Variants in DPP10 observed in about 807,000 individuals in gnomAD.
The protein encoded by DPP10 is dipeptidyl peptidase like 10, also known as inactive dipeptidyl peptidase 10.
In DPP10, 33 loss-of-function variants were observed where a neutral mutation model predicts 120.9. The observed-to-expected ratio is 0.27, with a 90% CI of 0.21 to 0.37. DPP10 has a LOEUF of 0.37. DPP10 is among the 10% of genes least tolerant of loss of function. DPP10 has a pLI of 1.00. For missense variants in DPP10, 816 were observed against 942.8 expected (o/e 0.87, Z 1.76); for synonymous variants, 337 against 326.1 (o/e 1.03, Z -0.36).
intron 1 of DPP10, among the ~76,000 whole-genome samples, chr2:115,164,215 A>G (rs1181388277): frequency 6.6e-6 from 1 of 152,160 alleles, no homozygotes; most frequent in African/African-American, 2.4e-5. Context: ...CTCCCAGGAA[A>G]TACTCATATC....
chr2:115,317,010 C>G (rs952607064), intron 2 of DPP10, among the ~76,000 whole-genome samples: 7 of 152,124 alleles, frequency 4.6e-5, no homozygotes, highest in African/African-American at 1.7e-4. Flanking sequence ...AGGAGGATTG[C>G]TTGAGACGGA....
intron 1 of DPP10, among the ~76,000 whole-genome samples, chr2:114,963,395 C>G (rs1458125657): frequency 1.3e-5 from 2 of 151,948 alleles, no homozygotes; most frequent in Middle Eastern, 3.2e-3. Context: ...GGAAAAAAAG[C>G]GTAATTTGCT....
chr2:114,855,070 T>C (rs1324653027), intron 1 of DPP10, among the ~76,000 whole-genome samples: 1 of 152,112 alleles, frequency 6.6e-6, no homozygotes, highest in Admixed American at 6.6e-5. Flanking sequence ...CTTCTTCCCT[T>C]CCAGGTAGCT....
intron 3 of DPP10, among the ~76,000 whole-genome samples, chr2:115,384,707 A>AAGAAAGAAGAAGAAGAAGAAGAAGAAG (rs1553574793): frequency 1.9e-4 from 28 of 148,554 alleles, no homozygotes; most frequent in African/African-American, 5.8e-4. Context: ...AAGAAAGAAG[A>AAGAAAGAAGAAGAAGAAGAAGAAGAAG]AAGAAGAAGA....
intron 1 of DPP10, among the ~76,000 whole-genome samples, chr2:115,033,059 A>AG (rs1041167606): frequency 2.0e-5 from 3 of 152,132 alleles, no homozygotes; most frequent in Non-Finnish European, 2.9e-5. Flanking sequence ...CAGTCCTTGC[A>AG]GGGCACTTAC....
chr2:114,458,158 A>G (rs1678683052), intron 1 of DPP10, among the ~76,000 whole-genome samples: 1 of 152,180 alleles, frequency 6.6e-6, no homozygotes, highest in Non-Finnish European at 1.5e-5. Flanking sequence ...TCAGTCTTCC[A>G]GGCTATCCTG....
intron 1 of DPP10, among the ~76,000 whole-genome samples, chr2:115,170,012 A>T (rs555721149): frequency 6.6e-6 from 1 of 152,316 alleles, no homozygotes; most frequent in African/African-American, 2.4e-5. Flanking sequence ...GTATTACGTA[A>T]TCAAGAACTT....
At chr2:114,712,922 A>G (rs1701117806) in intron 1 of DPP10, among the ~76,000 whole-genome samples, 1 of 152,138 alleles carries the variant, frequency 6.6e-6, no homozygotes, top group Non-Finnish European at 1.5e-5. Flanking sequence ...GCTGTAGTAC[A>G]ATAACACTTA....
intron 3 of DPP10, among the ~76,000 whole-genome samples, chr2:115,373,236 T>A (rs144082151): frequency 3.2e-4 from 49 of 152,302 alleles, no homozygotes; most frequent in African/African-American, 1.1e-3. Context: ...ATGAACTGTT[T>A]AGTAGGACAA....
chr2:115,162,277 A>T, intron 1 of DPP10: 1 of 1,541,684 alleles, frequency 6.5e-7, no homozygotes, highest in Non-Finnish European at 8.7e-7. Context: ...AGAGAGGTAA[A>T]GGCTGAAGGT....
Position 115,753,164 on chromosome 2 carries a change from T to C in DPP10, c.951-10T>C, listed in dbSNP as rs1298298172. ...TCTAAACATACATTTTAATTTTGTT[T>C]CCAAACTAGAGAATACTATATCACT... is the stretch of plus-strand genomic sequence containing the variant. On this transcript the variant is annotated splice_polypyrimidine_tract_variant and intron_variant, in intron 10 of 25. Transcript: ENST00000410059. 2 of 1,606,458 alleles carry C rather than the reference T, an allele frequency of 1.2e-6. No homozygotes were observed. Among genetic ancestry groups the C allele is most frequent in the Non-Finnish European group, 8.5e-7 (1 of 1,175,618 alleles).
At chr2:115,219,140 T>G (rs1172924920) in intron 1 of DPP10, among the ~76,000 whole-genome samples, 2 of 152,116 alleles carry the variant, frequency 1.3e-5, no homozygotes, top group African/African-American at 2.4e-5. Flanking sequence ...AATAACATGT[T>G]AAAAAAGTGA....
chr2:115,444,580 A>G (rs2072391518), intron 3 of DPP10, among the ~76,000 whole-genome samples: 1 of 152,182 alleles, frequency 6.6e-6, no homozygotes, highest in African/African-American at 2.4e-5. Context: ...ATCCATGGTT[A>G]TGAAGTAGGA....
intron 1 of DPP10, among the ~76,000 whole-genome samples, chr2:115,021,831 A>G (rs1056408047): frequency 1.3e-5 from 2 of 152,144 alleles, no homozygotes; most frequent in African/African-American, 2.4e-5. Flanking sequence ...TGGGTTTCAT[A>G]CCAGGGATGC....
chr2:115,003,605 A>G (rs993897096), intron 1 of DPP10, among the ~76,000 whole-genome samples: 2 of 152,186 alleles, frequency 1.3e-5, no homozygotes, highest in African/African-American at 4.8e-5. Flanking sequence ...TGCTCAAAAC[A>G]TAAAGAAATC....
intron 4 of DPP10, among the ~76,000 whole-genome samples, chr2:115,507,921 A>G (rs2077031499): frequency 6.6e-6 from 1 of 152,076 alleles, no homozygotes; most frequent in South Asian, 2.1e-4. Context: ...TGGGTGGAGG[A>G]TTTGCTTGGA....
intron 1 of DPP10, among the ~76,000 whole-genome samples, chr2:114,922,062 C>A (rs1471627142): frequency 1.3e-5 from 2 of 152,104 alleles, no homozygotes; most frequent in African/African-American, 4.8e-5. Context: ...GACTATTTGA[C>A]TTTTTAAAGA....
chr2:114,455,544 CAA>C (rs58126075), intron 1 of DPP10, among the ~76,000 whole-genome samples: 22 of 120,450 alleles, frequency 1.8e-4, no homozygotes, highest in East Asian at 9.4e-4. Context: ...GACTCTGTCT[CAA>C]AAAAAAAAAA....
intron 1 of DPP10, among the ~76,000 whole-genome samples, chr2:115,114,012 A>T (rs1006002822): frequency 2.6e-5 from 4 of 152,164 alleles, no homozygotes; most frequent in Non-Finnish European, 5.9e-5. Context: ...GACTACTAAA[A>T]TTGCTTGTTG....
Sources: gnomAD v4.1 joint callset for allele counts (sites outside exome capture counted in the v4.1 genomes callset) on GRCh38, gnomAD v4.1.1 for gene constraint, MANE v1.5 for transcripts, NCBI Gene and HGNC (gene_info 2026-07-23, HGNC 2026-07-21) for gene names.